Variants in NAV3 observed in about 807,000 individuals in gnomAD.
NAV3 encodes the protein pore membrane and/or filament interacting like protein 1.
NAV3 carries 87 observed loss-of-function variants against 244.7 expected under a neutral mutation model. The ratio of observed to expected loss-of-function variants is 0.36; its 90% confidence interval spans 0.30 to 0.42. The LOEUF is 0.42. Among genes scored for constraint, NAV3 ranks in the 20% least tolerant of loss-of-function variants. The probability of loss-of-function intolerance (pLI) is 1.00; values close to 1 mark genes in which losing one functional copy is unlikely to be tolerated. For synonymous variants in NAV3, 1,126 were observed against 1,042.2 expected (o/e 1.08, Z -1.55); for missense variants, 2,663 against 2,893.3 (o/e 0.92, Z 1.83).
intron 2 of NAV3, among the ~76,000 whole-genome samples, chr12:77,646,672 G>C (rs532823791): frequency 6.6e-6 from 1 of 152,198 alleles, no homozygotes; most frequent in African/African-American, 2.4e-5. Flanking sequence ...TGGTTGTCCA[G>C]GTGCGAGTCT....
At chr12:77,785,382 G>A (rs919076524) in intron 2 of NAV3, among the ~76,000 whole-genome samples, 1 of 152,126 alleles carries the variant, frequency 6.6e-6, no homozygotes, top group African/African-American at 2.4e-5. Flanking sequence ...TACAGTGCCA[G>A]GAGGTCTCCT....
At chr12:78,162,830 C>A (rs1334273903) in intron 23 of NAV3, among the ~76,000 whole-genome samples, 1 of 139,208 alleles carries the variant, frequency 7.2e-6, no homozygotes, top group Non-Finnish European at 1.5e-5. Flanking sequence ...CCACTGCACT[C>A]CAGCCTGGGC....
intron 2 of NAV3, among the ~76,000 whole-genome samples, chr12:77,680,710 G>A (rs943561008): frequency 2.0e-5 from 3 of 151,812 alleles, no homozygotes; most frequent in Non-Finnish European, 4.4e-5. Context: ...TTCTTCTATA[G>A]TATGTGCAAA....
intron 2 of NAV3, among the ~76,000 whole-genome samples, chr12:77,713,621 C>T (rs1198746053): frequency 6.6e-6 from 1 of 152,140 alleles, no homozygotes; most frequent in African/African-American, 2.4e-5. Context: ...TGTTTTCAAG[C>T]TTCCTTTTAT....
chr12:77,763,977 C>A (rs1869618855), intron 2 of NAV3, among the ~76,000 whole-genome samples: 1 of 152,182 alleles, frequency 6.6e-6, no homozygotes, highest in Admixed American at 6.5e-5. Flanking sequence ...GGCCTGGGAT[C>A]CAGGAGAGGG....
chr12:77,643,686 CTTAA>C (rs1159596103), intron 2 of NAV3, among the ~76,000 whole-genome samples: 1 of 151,832 alleles, frequency 6.6e-6, no homozygotes, highest in Non-Finnish European at 1.5e-5. Flanking sequence ...TTTACATTTA[CTTAA>C]TTTATTCATT....
intron 12 of NAV3, among the ~76,000 whole-genome samples, chr12:78,071,650 A>G (rs1452993374): frequency 1.3e-5 from 2 of 151,982 alleles, no homozygotes; most frequent in Non-Finnish European, 2.9e-5. Context: ...TGATTTTTGT[A>G]TAAGGTGTAA....
At chr12:78,132,251 C>T (rs1956196494) in intron 18 of NAV3, among the ~76,000 whole-genome samples, 2 of 152,262 alleles carry the variant, frequency 1.3e-5, no homozygotes, top group South Asian at 4.1e-4. Flanking sequence ...CTTTTACTGA[C>T]AACAAAGCTC....
intron 16 of NAV3, 107 bp downstream of exon 16, chr12:78,122,535 A>G (rs1447424302): frequency 2.2e-6 from 3 of 1,348,048 alleles, no homozygotes; most frequent in African/African-American, 2.9e-5. Context: ...GCCCCGGTGC[A>G]AAAAGATGTA....
At chr12:77,647,067 T>TATACACAC (rs143085448) in intron 2 of NAV3, among the ~76,000 whole-genome samples, 2 of 149,676 alleles carry the variant, frequency 1.3e-5, no homozygotes, top group African/African-American at 4.9e-5. Context: ...CATATATATA[T>TATACACAC]ACACACACAC....
chr12:77,803,260 A>C (rs888305710), intron 2 of NAV3, among the ~76,000 whole-genome samples: 3 of 152,062 alleles, frequency 2.0e-5, no homozygotes, highest in African/African-American at 4.8e-5. Context: ...TATTTCTCCT[A>C]ATGCTATCCC....
chr12:77,961,961 C>T (rs1278746592), intron 3 of NAV3, among the ~76,000 whole-genome samples: 1 of 151,896 alleles, frequency 6.6e-6, no homozygotes, highest in African/African-American at 2.4e-5. Context: ...TTATGAGCAC[C>T]TTTCATGAAT....
At chr12:77,717,474 T>C (rs1455488027) in intron 2 of NAV3, among the ~76,000 whole-genome samples, 1 of 152,142 alleles carries the variant, frequency 6.6e-6, no homozygotes, top group East Asian at 1.9e-4. Context: ...TAAAGTTCAG[T>C]AATATTCCAT....
At chr12:78,176,292 C>G (rs1487098038) in intron 25 of NAV3, 147 bp from the exon 26 acceptor site, 1 of 629,886 alleles carries the variant, frequency 1.6e-6, no homozygotes, top group African/African-American at 1.9e-5. Flanking sequence ...ACATAATTAT[C>G]AGAGGATTTT....
At chr12:78,126,539 A>G (rs1163335189) in intron 16 of NAV3, among the ~76,000 whole-genome samples, 1 of 152,164 alleles carries the variant, frequency 6.6e-6, no homozygotes, top group Admixed American at 6.5e-5. Context: ...TAAAATAGAG[A>G]TGATAAAATT....
At chr12:78,167,329 A>G (rs1312214442) in intron 23 of NAV3, among the ~76,000 whole-genome samples, 1 of 151,686 alleles carries the variant, frequency 6.6e-6, no homozygotes, top group Non-Finnish European at 1.5e-5. Context: ...TTAGGCGGTT[A>G]CTGTTGATTT....
At chr12:78,123,092 A>G (rs1355189659) in intron 16 of NAV3, among the ~76,000 whole-genome samples, 2 of 152,122 alleles carry the variant, frequency 1.3e-5, no homozygotes, top group Admixed American at 6.5e-5. Flanking sequence ...TAATATGCTT[A>G]CTGTGAAGCA....
At chr12:78,095,064 TACACACACACACACACAC>T (rs56856471) in intron 12 of NAV3, among the ~76,000 whole-genome samples, 1 of 137,566 alleles carries the variant, frequency 7.3e-6, no homozygotes, top group Non-Finnish European at 1.6e-5. Flanking sequence ...TATATATATA[TACACACACACACACACAC>T]ACACACATAT....
At chr12:78,020,728 T>G (rs1448198249) in intron 8 of NAV3, among the ~76,000 whole-genome samples, 1 of 152,162 alleles carries the variant, frequency 6.6e-6, no homozygotes, top group African/African-American at 2.4e-5. Context: ...AAAATGTTAA[T>G]TAAGCATTGA....
Sources: gnomAD v4.1 joint callset for allele counts (sites outside exome capture counted in the v4.1 genomes callset) on GRCh38, gnomAD v4.1.1 for gene constraint, MANE v1.5 for transcripts, NCBI Gene and HGNC (gene_info 2026-07-23, HGNC 2026-07-21) for gene names.